DMD: variants seen among roughly 807,000 people sequenced by gnomAD.
DMD encodes the protein dystrophin.
A neutral mutation model predicts 330.1 loss-of-function variants in DMD; 63 were observed. The observed-to-expected ratio is 0.19, with a 90% CI of 0.16 to 0.24. The LOEUF (loss-of-function observed/expected upper bound fraction) is 0.24. DMD is among the 10% of genes least tolerant of loss of function. The pLI is 1.00. For synonymous variants in DMD, 1,223 were observed against 959.8 expected, an observed-to-expected ratio of 1.27 and a Z score of -5.07; for missense variants, 3,344 against 2,684.1, an observed-to-expected ratio of 1.25 and a Z score of -5.43.
intron 44 of DMD, among the ~76,000 whole-genome samples, chrX:32,200,866 C>T (rs1017785055): frequency 9.0e-6 from 1 of 111,517 alleles, no homozygotes; most frequent in African/African-American, 3.3e-5. Flanking sequence ...GACTTTGCAG[C>T]TCTAAAGAGA....
chrX:32,927,779 T>C (rs1051452585), intron 2 of DMD, among the ~76,000 whole-genome samples: 11 of 111,033 alleles, frequency 9.9e-5, no homozygotes, highest in African/African-American at 2.6e-4. Flanking sequence ...ATATCCCTAA[T>C]AGGGATGGTA....
chrX:33,231,426 C>A (rs1270443014), intron 1 of DMD, among the ~76,000 whole-genome samples: 1 of 112,021 alleles, frequency 8.9e-6, no homozygotes, highest in Non-Finnish European at 1.9e-5. Flanking sequence ...TATATATACA[C>A]AAACGCATTT....
At position 32,441,965 on chromosome X, in the gene DMD, G is replaced by A. The variant is rs67702482; in HGVS notation, c.3787-651C>T. Among the ~76,000 whole-genome samples, 39,924 of 109,056 alleles carry A rather than the reference G, an allele frequency of 0.37. 5,513 individuals carry two copies. Among genetic ancestry groups the A allele is most frequent in the East Asian group, 0.74 (2,565 of 3,455 alleles). 94.7% of individuals were successfully genotyped at this position (109,056 alleles called of 115,157 possible). ...TATTATTTCCTTGAGGTATATTATC[G>A]GAAATATTACCACTAATTCAAAGGT... On this transcript the variant is annotated intron_variant, in intron 27 of 78. Coordinates refer to ENST00000357033, the MANE Select transcript of DMD (RefSeq NM_004006.3).
In DMD at chrX:32,971,251, C is replaced by T. The variant is rs942437137; in HGVS notation, c.93+48888G>A. ...TGCTGGGATTACAAGCGTGAGCCAC[C>T]GCACTCAGCCAGTTTGTTAGGTTTT... On this transcript the variant is annotated intron_variant, in intron 2 of 78. Coordinates refer to ENST00000357033, the MANE Select transcript of DMD (RefSeq NM_004006.3). 4.5e-5 allele frequency among the ~76,000 whole-genome samples: 5 copies of T among 111,644 alleles called. No homozygotes were observed. The East Asian group carries it at 8.4e-4, about 19-fold the overall frequency.
At chrX:32,441,106 G>T in intron 28 of DMD, 74 bp downstream of exon 28, 1 of 1,081,009 alleles carries the variant, frequency 9.3e-7, no homozygotes. Context: ...CTTTGGATTT[G>T]TCTTCTATTT....
intron 41 of DMD, among the ~76,000 whole-genome samples, chrX:32,332,475 G>GA (rs904996922): frequency 6.6e-5 from 7 of 105,804 alleles, no homozygotes; most frequent in African/African-American, 2.5e-4. Context: ...AAGATTCATT[G>GA]AAAAAAACAC....
At chrX:31,450,509 T>C (rs1275668668) in intron 59 of DMD, among the ~76,000 whole-genome samples, 1 of 112,474 alleles carries the variant, frequency 8.9e-6, no homozygotes, top group African/African-American at 3.2e-5. Context: ...AGCAAGCCCT[T>C]CATGAAATGT....
chrX:33,199,248 C>A (rs1459795439), intron 1 of DMD, among the ~76,000 whole-genome samples: 1 of 110,730 alleles, frequency 9.0e-6, no homozygotes, highest in Non-Finnish European at 1.9e-5. Context: ...TGCTGTATTC[C>A]TAGTGAGAGA....
intron 7 of DMD, among the ~76,000 whole-genome samples, chrX:32,732,556 C>G (rs1426109065): frequency 1.8e-5 from 2 of 111,444 alleles, no homozygotes; most frequent in Non-Finnish European, 3.8e-5. Flanking sequence ...ACACTAACAG[C>G]GGATCTCTCG....
At chrX:32,109,797 T>C in intron 44 of DMD, among the ~76,000 whole-genome samples, 1 of 111,844 alleles carries the variant, frequency 8.9e-6, no homozygotes. Flanking sequence ...AATTTTTCTA[T>C]TATATTTTGA....
At chrX:31,748,863 T>A (rs1195778252) in intron 51 of DMD, among the ~76,000 whole-genome samples, 1 of 111,381 alleles carries the variant, frequency 9.0e-6, no homozygotes, top group East Asian at 2.8e-4. Flanking sequence ...GTGGTGAAGG[T>A]GGAATAAAAT....
intron 48 of DMD, among the ~76,000 whole-genome samples, chrX:31,839,150 T>C (rs1274925410): frequency 9.0e-6 from 1 of 111,718 alleles, no homozygotes; most frequent in African/African-American, 3.3e-5. Flanking sequence ...CAAAGACCAT[T>C]GTTCCCACTG....
intron 41 of DMD, among the ~76,000 whole-genome samples, chrX:32,330,855 T>C (rs1312658138): frequency 9.0e-6 from 1 of 111,591 alleles, no homozygotes; most frequent in Non-Finnish European, 1.9e-5. Flanking sequence ...GGAGTTACCA[T>C]TTAACTGCAT....
At chrX:32,666,244 G>A (rs2061296424) in intron 9 of DMD, among the ~76,000 whole-genome samples, 1 of 110,686 alleles carries the variant, frequency 9.0e-6, no homozygotes, top group East Asian at 2.9e-4. Flanking sequence ...GAACGTGCAG[G>A]TTTGTTACAT....
chrX:33,097,919 C>CA (rs1354848453), intron 1 of DMD, among the ~76,000 whole-genome samples: 1 of 111,110 alleles, frequency 9.0e-6, no homozygotes, highest in Non-Finnish European at 1.9e-5. Context: ...CCAGCCCCAC[C>CA]AGTAACATTT....
intron 7 of DMD, among the ~76,000 whole-genome samples, chrX:32,705,463 A>T (rs1464606086): frequency 8.9e-6 from 1 of 112,100 alleles, no homozygotes; most frequent in Non-Finnish European, 1.9e-5. Context: ...ACGCTTTTCA[A>T]CATGCTTATG....
rs760610035 is a variant in DMD, at chrX:32,600,604, A to G, written c.1483-4728T>C. Among the ~76,000 whole-genome samples the G allele has an allele frequency of 9.7e-3, 1,024 of 105,664 alleles. 13 individuals carry two copies. Among genetic ancestry groups the G allele is most frequent in the Admixed American group, 0.03 (292 of 9,787 alleles). 91.8% of individuals were successfully genotyped at this position (105,664 alleles called of 115,157 possible). On this transcript the variant is annotated intron_variant, in intron 12 of 78. Coordinates refer to ENST00000357033, the MANE Select transcript of DMD (RefSeq NM_004006.3). The stretch of plus-strand genomic sequence containing the variant: ...CACACACAAACACGCACACGCACAC[A>G]CACACACACACACACACACAAAACA...
At chrX:31,370,844 C>T (rs188170478) in intron 60 of DMD, among the ~76,000 whole-genome samples, 24 of 111,740 alleles carry the variant, frequency 2.1e-4, no homozygotes, top group Non-Finnish European at 3.2e-4. Flanking sequence ...ATACAACTCA[C>T]GATAAAAAGG....
chrX:32,392,165 C>T (rs2098007390), intron 30 of DMD, among the ~76,000 whole-genome samples: 1 of 111,958 alleles, frequency 8.9e-6, no homozygotes, highest in African/African-American at 3.3e-5. Context: ...GGTCCATGAA[C>T]AGAGAGAGAA....
Sources: gnomAD v4.1 joint callset for allele counts (sites outside exome capture counted in the v4.1 genomes callset) on GRCh38, gnomAD v4.1.1 for gene constraint, MANE v1.5 for transcripts, NCBI Gene and HGNC (gene_info 2026-07-23, HGNC 2026-07-21) for gene names.